Variants in RXFP2 observed in about 807,000 individuals in gnomAD.
RXFP2 encodes relaxin receptor 2.
In RXFP2, 68 loss-of-function variants were observed where a neutral mutation model predicts 88.6. The ratio of observed to expected loss-of-function variants is 0.77; its 90% CI spans 0.63 to 0.94. RXFP2 has a LOEUF of 0.94. Ranked by LOEUF, RXFP2 falls within the 40% of genes least tolerant of loss-of-function variation. The pLI is 0.00. For synonymous variants in RXFP2, 329 were observed against 306.8 expected (o/e 1.07, Z -0.76); for missense variants, 791 against 893.9 (o/e 0.88, Z 1.47).
At chr13:31,756,567 C>T (rs1229882830) in intron 1 of RXFP2, among the ~76,000 whole-genome samples, 4 of 151,808 alleles carry the variant, frequency 2.6e-5, no homozygotes, top group Non-Finnish European at 5.9e-5. Context: ...TCATGATGAC[C>T]TATAGACATT....
At chr13:31,745,958 A>G (rs958145580) in intron 1 of RXFP2, among the ~76,000 whole-genome samples, 1 of 152,236 alleles carries the variant, frequency 6.6e-6, no homozygotes, top group Non-Finnish European at 1.5e-5. Context: ...CAGAGCAACA[A>G]GGATGCTGGA....
intron 17 of RXFP2, among the ~76,000 whole-genome samples, chr13:31,800,249 A>C (rs1481241167): frequency 6.6e-6 from 1 of 152,156 alleles, no homozygotes; most frequent in Admixed American, 6.5e-5. Context: ...ACCTGGGGTC[A>C]CCCAAAAGAT....
At chr13:31,775,110 C>T (rs566086949) in intron 6 of RXFP2, among the ~76,000 whole-genome samples, 2 of 152,320 alleles carry the variant, frequency 1.3e-5, no homozygotes, top group African/African-American at 4.8e-5. Flanking sequence ...ACTTTCTCTG[C>T]CCTGGCCCTG....
At chr13:31,768,014 T>C (rs1872611625) in intron 5 of RXFP2, among the ~76,000 whole-genome samples, 1 of 152,208 alleles carries the variant, frequency 6.6e-6, no homozygotes, top group Admixed American at 6.5e-5. Context: ...AATATCTCCC[T>C]CTGTGGTCCC....
intron 13 of RXFP2, 77 bp downstream of exon 13, chr13:31,786,714 A>C: frequency 1.1e-6 from 1 of 899,516 alleles, no homozygotes; most frequent in Non-Finnish European, 1.8e-6. Context: ...TTAAATGGGT[A>C]TTTTGCACAC....
chr13:31,775,400 T>C lies in RXFP2; in HGVS notation c.641+11T>C. On this transcript the variant is annotated intron_variant, in intron 7 of 17. Coordinates refer to ENST00000298386, the MANE Select transcript of RXFP2 (RefSeq NM_130806.5). ...TCAGCTAACTTGGCTGTAAGTACTCTAATTCTTCTTTCTCCCATAGAGGAT... is the reference window on the plus strand; with the variant it reads ...TCAGCTAACTTGGCTGTAAGTACTCCAATTCTTCTTTCTCCCATAGAGGAT... 2 of 1,575,872 alleles carry C rather than the reference T, an allele frequency of 1.3e-6. No individual in the cohort carries two copies. The highest frequency in any genetic ancestry group is 4.5e-5 in the East Asian group (2 of 44,692).
At chr13:31,760,930 G>C (rs1172478077) in intron 2 of RXFP2, among the ~76,000 whole-genome samples, 2 of 152,030 alleles carry the variant, frequency 1.3e-5, no homozygotes, top group Non-Finnish European at 2.9e-5. Flanking sequence ...ACAAATTGAG[G>C]AAATGTTATT....
chr13:31,765,086 A>T lies in RXFP2; in HGVS notation c.369A>T (p.Glu123Asp). ...GTGACTGCAAAGAAACTGAATTGGA[A>T]TGTGTAAATGGTGACTTAAAGTCTG... ...QCCDCKETEL[E>D]CVNGDLKSVP... is the part of the protein sequence containing the mutation. Residue 123 changes from glutamate to aspartate, a missense_variant, in exon 4 of 18, where the codon GAA (glutamate) becomes GAT (aspartate). Glu to Asp is a conservative substitution (Grantham distance 45). Coordinates refer to ENST00000298386, the MANE Select transcript of RXFP2 (RefSeq NM_130806.5). 1 of 1,612,266 alleles carries T rather than the reference A, an allele frequency of 6.2e-7. No homozygotes were observed. Among genetic ancestry groups the T allele is most frequent in the Non-Finnish European group, 8.5e-7 (1 of 1,178,492 alleles).
At chr13:31,765,289 ATTCAGGGGG>A in intron 4 of RXFP2, 147 bp downstream of exon 4, 8 of 641,280 alleles carry the variant, frequency 1.2e-5, no homozygotes, top group Admixed American at 1.2e-4. Flanking sequence ...CATGCTTCCT[ATTCAGGGGG>A]AAAAAATGGT....
chr13:31,783,780 GACAA>G (rs1873393173), intron 11 of RXFP2, among the ~76,000 whole-genome samples: 1 of 145,536 alleles, frequency 6.9e-6, no homozygotes, highest in Non-Finnish European at 1.5e-5. Flanking sequence ...AATAACCCAG[GACAA>G]ACAGAGGGGT....
At chr13:31,776,110 C>CTTTCTTTCTTTCTTTCT (rs1566227888) in intron 7 of RXFP2, among the ~76,000 whole-genome samples, 2 of 138,258 alleles carry the variant, frequency 1.4e-5, no homozygotes, top group East Asian at 4.1e-4. Context: ...TCTTTTCTTT[C>CTTTCTTTCTTTCTTTCT]TTTCTTTCTT....
chr13:31,740,648 C>A (rs1593440609), intron 1 of RXFP2, among the ~76,000 whole-genome samples: 1 of 151,982 alleles, frequency 6.6e-6, no homozygotes, highest in East Asian at 1.9e-4. Flanking sequence ...TTTAAAACTT[C>A]TAACAAACAA....
chr13:31,789,330 C>A (rs887001293), intron 14 of RXFP2, 137 bp downstream of exon 14: 2 of 685,864 alleles, frequency 2.9e-6, no homozygotes, highest in African/African-American at 3.5e-5. Context: ...AATTTTGTCA[C>A]CTTTGGTCCC....
chr13:31,788,286 A>T (rs1020476579), intron 13 of RXFP2, among the ~76,000 whole-genome samples: 2 of 152,244 alleles, frequency 1.3e-5, no homozygotes, highest in Non-Finnish European at 2.9e-5. Context: ...AGGAAAACTC[A>T]GAACCATGTT....
chr13:31,747,187 A>C (rs1409188702), intron 1 of RXFP2, among the ~76,000 whole-genome samples: 2 of 152,210 alleles, frequency 1.3e-5, no homozygotes, highest in Admixed American at 1.3e-4. Context: ...AGTTTTGAAA[A>C]GAATAAAGCA....
intron 1 of RXFP2, among the ~76,000 whole-genome samples, chr13:31,753,256 T>C (rs781212177): frequency 6.6e-6 from 1 of 152,168 alleles, no homozygotes; most frequent in Non-Finnish European, 1.5e-5. Flanking sequence ...TCACCTGTTG[T>C]TTCCCAATAA....
At position 31,774,630 on chromosome 13, in the gene RXFP2, C is replaced by T; in HGVS notation, c.508C>T (p.His170Tyr). ...YTKLKKIFLQ[H>Y]NCIRHISRKA... is the part of the protein sequence containing the mutation. Reference sequence around the variant, plus strand: ...TCTTATTCCTACCAGATTTCTTCAGCATAATTGCATTAGACACATATCCAG... The same window carrying T: ...TCTTATTCCTACCAGATTTCTTCAGTATAATTGCATTAGACACATATCCAG... Residue 170 changes from histidine (H) to tyrosine (Y), a missense_variant, in exon 6 of 18, where the codon CAT becomes TAT. His to Tyr is a moderately conservative substitution (Grantham distance 83). Transcript: ENST00000298386. 1 of 1,536,590 alleles carries T rather than the reference C, an allele frequency of 6.5e-7. No homozygotes were observed. Among genetic ancestry groups the T allele is most frequent in the Non-Finnish European group, 9.0e-7 (1 of 1,109,514 alleles).
rs200704091 is a variant in RXFP2 at position 31,789,105 on chromosome 13, T to C, written c.1074-17T>C. 2.5e-5 allele frequency: 38 copies of C among 1,520,274 alleles called. No individual in the cohort carries two copies. In the African/African-American group the frequency reaches 4.9e-4, roughly 20 times the overall value. The allele number at this position is 1,520,274 out of a possible 1,614,324, so 94.2% of individuals were successfully genotyped here. A position where few individuals can be genotyped will look rare whatever the true frequency, so the allele number is the denominator to read the frequency against. On this transcript the variant is annotated splice_polypyrimidine_tract_variant and intron_variant, in intron 13 of 17. Transcript: ENST00000298386. ...TTTCATCTCAACACCATTAAACCTA[T>C]CGTGTGTATTTTCCAGAGACCTGGA... is the stretch of plus-strand genomic sequence containing the variant.
At chr13:31,799,034 C>T (rs1478863417) in intron 17 of RXFP2, among the ~76,000 whole-genome samples, 1 of 152,124 alleles carries the variant, frequency 6.6e-6, no homozygotes, top group African/African-American at 2.4e-5. Context: ...TCCATTGTGT[C>T]CTTCAGATGA....
Sources: gnomAD v4.1 joint callset for allele counts (sites outside exome capture counted in the v4.1 genomes callset) on GRCh38, gnomAD v4.1.1 for gene constraint, MANE v1.5 for transcripts, NCBI Gene and HGNC (gene_info 2026-07-23, HGNC 2026-07-21) for gene names.